The following CPS1 variants were observed in gnomAD, a reference collection of about 807,000 sequenced individuals.
The protein encoded by CPS1 is carbamoyl-phosphate synthase 1.
CPS1 carries 109 observed loss-of-function variants against 174.6 expected under a neutral mutation model. That is an observed-to-expected ratio of 0.62 (90% CI 0.53 to 0.73). CPS1 has a LOEUF of 0.73. CPS1 is among the 30% of genes least tolerant of loss of function. The pLI is 0.00. For synonymous variants in CPS1, 637 were observed against 632.0 expected (o/e 1.01, Z -0.12); for missense variants, 1,689 against 1,821.9 (o/e 0.93, Z 1.33).
At chr2:210,590,307 G>A in intron 8 of CPS1, 73 bp downstream of exon 8, 2 of 1,600,482 alleles carry the variant, frequency 1.2e-6, no homozygotes, top group East Asian at 4.5e-5. Flanking sequence ...TCAAAGGGCT[G>A]TGATACATTT....
At position 210,660,594 on chromosome 2, in the gene CPS1, A is replaced by T; in HGVS notation, c.3866A>T (p.Asp1289Val). Residue 1289 changes from aspartate (D) to valine (V), a missense_variant, in exon 32 of 38, where the codon GAT (aspartate) becomes GTT (valine). Physicochemically the swap from Asp to Val is radical, Grantham distance 152 (BLOSUM62 -3). Transcript: ENST00000233072. ...AAGGTGATGATTGGAGAGAATGTTGATGAGAAACATCTTCCAACATTGGAC... is the reference window on the plus strand; with the variant it reads ...AAGGTGATGATTGGAGAGAATGTTGTTGAGAAACATCTTCCAACATTGGAC... The part of the protein sequence containing the change: ...ATKVMIGENV[D>V]EKHLPTLDHP... 6.2e-7 allele frequency: 1 copy of T among 1,614,128 alleles called. No individual in the cohort carries two copies. The highest frequency in any genetic ancestry group is 8.5e-7 in the Non-Finnish European group (1 of 1,179,980).
At chr2:210,505,822 G>A (rs1445900057) in intron 1 of CPS1, among the ~76,000 whole-genome samples, 2 of 152,204 alleles carry the variant, frequency 1.3e-5, no homozygotes, top group East Asian at 1.9e-4. Context: ...AAACTGCAAG[G>A]TGGCAGCGAG....
At chr2:210,604,848 G>A in intron 16 of CPS1, 1 of 444,386 alleles carries the variant, frequency 2.3e-6, no homozygotes, top group Non-Finnish European at 4.1e-6. Flanking sequence ...TCCTAAATTA[G>A]TTTGATTTAC....
intron 1 of CPS1, among the ~76,000 whole-genome samples, chr2:210,519,334 T>C (rs1034360592): frequency 6.6e-5 from 10 of 152,080 alleles, no homozygotes; most frequent in Non-Finnish European, 1.5e-4. Context: ...ATTCCTAATA[T>C]ATTTCATATT....
chr2:210,567,106 G>A (rs1190981423), intron 1 of CPS1, among the ~76,000 whole-genome samples: 1 of 152,104 alleles, frequency 6.6e-6, no homozygotes, highest in Non-Finnish European at 1.5e-5. Context: ...AAATAGGATA[G>A]TGACAGGTCA....
chr2:210,492,650 G>A (rs570100709), intron 1 of CPS1, among the ~76,000 whole-genome samples: 2 of 151,962 alleles, frequency 1.3e-5, no homozygotes, highest in African/African-American at 4.8e-5. Flanking sequence ...TATGTAGTAA[G>A]AGTGCACAAA....
intron 21 of CPS1, among the ~76,000 whole-genome samples, chr2:210,630,092 C>CA (rs11372499): frequency 0.36 from 48,069 of 132,634 alleles, 8,566 homozygotes; most frequent in Middle Eastern, 0.53. Context: ...AAAAACAAAA[C>CA]AAAAAAAAAA....
At chr2:210,606,182 T>C (rs549761950) in intron 17 of CPS1, among the ~76,000 whole-genome samples, 5 of 151,968 alleles carry the variant, frequency 3.3e-5, no homozygotes, top group South Asian at 4.1e-4. Context: ...GTAAGCAGAA[T>C]TGGCAAACTT....
At chr2:210,599,250 A>T in intron 13 of CPS1, 122 bp from the exon 14 acceptor site, 1 of 823,256 alleles carries the variant, frequency 1.2e-6, no homozygotes, top group Non-Finnish European at 2.1e-6. Flanking sequence ...TAGTCCTGTT[A>T]CGGATCTCTA....
intron 28 of CPS1, 115 bp from the exon 29 acceptor site, chr2:210,653,910 T>C: frequency 1.2e-6 from 1 of 800,910 alleles, no homozygotes; most frequent in South Asian, 1.4e-5. Context: ...TGTTCAGCCT[T>C]GAGTATTTTG....
intron 16 of CPS1, chr2:210,604,831 C>A: frequency 4.9e-6 from 2 of 404,510 alleles, no homozygotes; most frequent in East Asian, 4.9e-5. Context: ...CAATTATTTT[C>A]TCTTTTTCCT....
At chr2:210,528,679 G>A (rs958184445) in intron 1 of CPS1, among the ~76,000 whole-genome samples, 5 of 151,778 alleles carry the variant, frequency 3.3e-5, no homozygotes, top group African/African-American at 9.7e-5. Context: ...CATCTACTAC[G>A]TTGTTATTCA....
chr2:210,598,761 A>G (rs1200859888), intron 13 of CPS1, among the ~76,000 whole-genome samples: 2 of 151,998 alleles, frequency 1.3e-5, no homozygotes, highest in East Asian at 3.9e-4. Context: ...ACACAATAAT[A>G]GTGGGAGGTA....
At chr2:210,527,757 A>T (rs1433239562) in intron 1 of CPS1, among the ~76,000 whole-genome samples, 1 of 151,918 alleles carries the variant, frequency 6.6e-6, no homozygotes, top group Non-Finnish European at 1.5e-5. Context: ...TATGAACATG[A>T]TACTTCATTA....
intron 13 of CPS1, 63 bp from the exon 14 acceptor site, chr2:210,599,309 A>T: frequency 6.7e-7 from 1 of 1,485,170 alleles, no homozygotes; most frequent in Non-Finnish European, 9.4e-7. Flanking sequence ...CTTTTTATTT[A>T]AGTGTGGTCA....
At chr2:210,563,825 C>A (rs1383336175) in intron 1 of CPS1, among the ~76,000 whole-genome samples, 1 of 152,220 alleles carries the variant, frequency 6.6e-6, no homozygotes, top group Non-Finnish European at 1.5e-5. Context: ...CCCTCTCAAT[C>A]AGTTTAGCAT....
At chr2:210,604,070 G>A (rs533737773) in intron 16 of CPS1, among the ~76,000 whole-genome samples, 8 of 151,450 alleles carry the variant, frequency 5.3e-5, no homozygotes, top group East Asian at 3.9e-4. Flanking sequence ...GCAGGCAACC[G>A]GAATGATGAA....
intron 1 of CPS1, among the ~76,000 whole-genome samples, chr2:210,491,220 C>T (rs1694865207): frequency 6.7e-6 from 1 of 149,236 alleles, no homozygotes; most frequent in African/African-American, 2.5e-5. Context: ...GATGTAATTA[C>T]TGCCTGTGTT....
chr2:210,502,365 C>A (rs1695161348), intron 1 of CPS1, among the ~76,000 whole-genome samples: 2 of 112,390 alleles, frequency 1.8e-5, no homozygotes, highest in African/African-American at 5.5e-5. Context: ...ATCTCTCTCT[C>A]TCTATATATA....
Sources: allele counts gnomAD v4.1 joint callset (sites outside exome capture counted in the v4.1 genomes callset), GRCh38; gene constraint gnomAD v4.1.1; transcripts MANE v1.5; gene names NCBI Gene and HGNC (gene_info 2026-07-23, HGNC 2026-07-21).